Variants in GAD1 observed in about 807,000 individuals in gnomAD.
GAD1 encodes the protein 67 kDa glutamic acid decarboxylase.
In GAD1, 35 loss-of-function variants were observed where a neutral mutation model predicts 75.2. That is an observed-to-expected ratio of 0.47 (90% CI 0.36 to 0.62). The LOEUF (loss-of-function observed/expected upper bound fraction) is 0.62. Among genes scored for constraint, GAD1 ranks in the 20% least tolerant of loss-of-function variants. GAD1 has a pLI of 0.00. For synonymous variants in GAD1, 257 were observed against 271.9 expected (o/e 0.95, Z 0.54); for missense variants, 490 against 758.5 (o/e 0.65, Z 4.16).
Position 170,818,182 on chromosome 2 carries a change from A to C in GAD1, c.-63-347A>C. 1 of 226,256 alleles carries C rather than the reference A, an allele frequency of 4.4e-6. No homozygotes were observed. Among genetic ancestry groups the C allele is most frequent in the Admixed American group, 5.2e-5 (1 of 19,182 alleles). 14.0% of individuals were successfully genotyped at this position (226,256 alleles called of 1,614,324 possible). On this transcript the variant is annotated intron_variant, in intron 1 of 16. Transcript: ENST00000358196. This position sits in a 1 kb window ranked among gnomAD's most constrained non-coding sequence, Gnocchi z 5.9. ...TCACTGAGCGCTCCCCTGTGCTCCT[A>C]GCCTAGTCCCCCACACCCTTGCGTC...
Position 170,831,002 on chromosome 2 carries a change from A to C in GAD1, c.357A>C (p.Glu119Asp). The C allele has an allele frequency of 6.2e-7, 1 of 1,614,182 alleles. No homozygotes were observed. Among genetic ancestry groups the C allele is most frequent in the Non-Finnish European group, 8.5e-7 (1 of 1,180,044 alleles). The change falls in exon 5 of 17, where the codon GAA becomes GAC. Residue 119 changes from glutamate to aspartate, a missense_variant. Around this residue, in one of 3 missense-constraint regions of GAD1, gnomAD observed 165 missense variants for 216.4 expected, o/e 0.76. Transcript: ENST00000358196. ...GEEQTVQFLL[E>D]VVDILLNYVR... ...AGCAAACCGTGCAATTCCTCCTGGA[A>C]GTGGTGGACATACTCCTCAACTATG...
chr2:170,836,448 T>C (rs1314869297), intron 5 of GAD1, among the ~76,000 whole-genome samples: 1 of 152,204 alleles, frequency 6.6e-6, no homozygotes. Flanking sequence ...AGCTAAGTTA[T>C]CTCAGCCATA....
chr2:170,840,649 G>A (rs370482608), intron 6 of GAD1, among the ~76,000 whole-genome samples: 2 of 123,658 alleles, frequency 1.6e-5, no homozygotes, highest in African/African-American at 6.1e-5. Flanking sequence ...GGAAAGGAGG[G>A]AGGTAGGGAA....
At chr2:170,824,929 C>CATGTGT (rs111270317) in intron 3 of GAD1, among the ~76,000 whole-genome samples, 1 of 149,894 alleles carries the variant, frequency 6.7e-6, no homozygotes, top group African/African-American at 2.5e-5. Flanking sequence ...AGCCTACACT[C>CATGTGT]GTGTGTGTGT....
intron 15 of GAD1, among the ~76,000 whole-genome samples, chr2:170,857,780 C>A (rs557277516): frequency 6.6e-6 from 1 of 152,314 alleles, no homozygotes; most frequent in Non-Finnish European, 1.5e-5. Flanking sequence ...ATACTGCACA[C>A]AGCAAAGTAT....
At chr2:170,821,784 C>T in intron 2 of GAD1, 1 of 457,736 alleles carries the variant, frequency 2.2e-6, no homozygotes. Context: ...CACCCAACTC[C>T]GACCCCACCT....
intron 14 of GAD1, among the ~76,000 whole-genome samples, chr2:170,855,710 A>T (rs1001130994): frequency 5.3e-5 from 8 of 151,740 alleles, no homozygotes; most frequent in African/African-American, 1.9e-4. Context: ...CCCCATCTCT[A>T]CAAAAAATAC....
At chr2:170,856,914 A>G in intron 14 of GAD1, 104 bp from the exon 15 acceptor site, 1 of 911,350 alleles carries the variant, frequency 1.1e-6, no homozygotes, top group Non-Finnish European at 1.8e-6. Context: ...CAGCTCCAAA[A>G]ATACTTTTTT....
At chr2:170,823,652 C>CCCACCT (rs1701951590) in intron 3 of GAD1, among the ~76,000 whole-genome samples, 1 of 151,630 alleles carries the variant, frequency 6.6e-6, no homozygotes, top group South Asian at 2.1e-4. Flanking sequence ...CACTCCCACC[C>CCCACCT]CCACCTCCAC....
rs541945428 is a variant in GAD1, at chr2:170,853,560, C to G, written c.1264-313C>G. ...ACTGAGGAATTTTCTATCTCTAACC[C>G]TGGCCCACTGAATGCCGTAGCACTT... is the stretch of plus-strand genomic sequence containing the variant. On this transcript the variant is annotated intron_variant, in intron 13 of 16. Transcript: ENST00000358196. This position sits in a 1 kb window ranked among gnomAD's most constrained non-coding sequence, Gnocchi z 4.1. 1 of 350,280 alleles carries G rather than the reference C, an allele frequency of 2.9e-6. No individual in the cohort carries two copies. Among genetic ancestry groups the G allele is most frequent in the East Asian group, 6.4e-5 (1 of 15,540 alleles). The allele number at this position is 350,280 out of a possible 1,614,324, so 21.7% of individuals were successfully genotyped here. A position where few individuals can be genotyped will look rare whatever the true frequency, so the allele number is the denominator to read the frequency against.
chr2:170,824,416 CA>C (rs1559269608), intron 3 of GAD1, among the ~76,000 whole-genome samples: 4 of 148,454 alleles, frequency 2.7e-5, no homozygotes, highest in East Asian at 3.9e-4. Flanking sequence ...CACACACACA[CA>C]CACCCCTCCC....
At chr2:170,823,899 C>T (rs1701960101) in intron 3 of GAD1, among the ~76,000 whole-genome samples, 3 of 152,212 alleles carry the variant, frequency 2.0e-5, no homozygotes, top group African/African-American at 2.4e-5. Flanking sequence ...CATCCTGCCC[C>T]CTGCTGTCCC....
chr2:170,857,199 C>A, intron 15 of GAD1, 74 bp downstream of exon 15: 1 of 1,177,342 alleles, frequency 8.5e-7, no homozygotes, highest in Non-Finnish European at 1.3e-6. Context: ...AAGCTTCTGG[C>A]AACATGGGAA....
Position 170,839,269 on chromosome 2 carries a change from G to A in GAD1, c.638+2386G>A, listed in dbSNP as rs530407507. 6.1e-4 allele frequency among the ~76,000 whole-genome samples: 93 copies of A among 152,288 alleles called. 1 individual carries two copies. Among genetic ancestry groups the A allele is most frequent in the Admixed American group, 1.3e-3 (20 of 15,296 alleles). ...TCAGTCATAGCCTCTTAAAAAGAACGATCCAATAACCTGACACAGGTGCAA... is the reference window on the plus strand; with the variant it reads ...TCAGTCATAGCCTCTTAAAAAGAACAATCCAATAACCTGACACAGGTGCAA... On this transcript the variant is annotated intron_variant, in intron 6 of 16. Coordinates refer to ENST00000358196, the MANE Select transcript of GAD1 (RefSeq NM_000817.3).
intron 2 of GAD1, among the ~76,000 whole-genome samples, chr2:170,821,315 A>C (rs1367521112): frequency 6.6e-6 from 1 of 152,180 alleles, no homozygotes; most frequent in Non-Finnish European, 1.5e-5. Flanking sequence ...CAGCCTGGAA[A>C]AGAAGGAAAA....
In GAD1 at chr2:170,818,746, G is replaced by A; in HGVS notation, c.82+73G>A. The A allele has an allele frequency of 6.9e-7, 1 of 1,455,372 alleles. No homozygotes were observed. The highest frequency in any genetic ancestry group is 9.7e-7 in the Non-Finnish European group (1 of 1,035,360). The allele number at this position is 1,455,372 out of a possible 1,614,324, so 90.2% of individuals were successfully genotyped here. ...GGGCGCTGGGACGTCGGGAGGCTGAGCTGGCGGAAAGGGAAGGGGGAGCGC... is the reference window on the plus strand; with the variant it reads ...GGGCGCTGGGACGTCGGGAGGCTGAACTGGCGGAAAGGGAAGGGGGAGCGC... On this transcript the variant is annotated intron_variant, in intron 2 of 16. Coordinates refer to ENST00000358196, the MANE Select transcript of GAD1 (RefSeq NM_000817.3). This position sits in a 1 kb window ranked among gnomAD's most constrained non-coding sequence, Gnocchi z 5.9.
At chr2:170,844,204 A>T in intron 7 of GAD1, 47 bp downstream of exon 7, 1 of 1,074,228 alleles carries the variant, frequency 9.3e-7, no homozygotes, top group South Asian at 1.3e-5. Context: ...GATTCTTAAG[A>T]ATACAAAATA....
chr2:170,815,249 C>T (rs1161009462), upstream of GAD1, among the ~76,000 whole-genome samples: 2 of 152,196 alleles, frequency 1.3e-5, no homozygotes, highest in Admixed American at 1.3e-4. Flanking sequence ...GCCTGTCCAG[C>T]CCCAAGCCTC....
At chr2:170,848,496 CAAAAAA>C (rs368907107) in intron 11 of GAD1, among the ~76,000 whole-genome samples, 7 of 64,084 alleles carry the variant, frequency 1.1e-4, no homozygotes, top group South Asian at 5.1e-4. Context: ...AACTCTGTCT[CAAAAAA>C]AAAAAAAAAA....
Sources: allele counts gnomAD v4.1 joint callset (sites outside exome capture counted in the v4.1 genomes callset), GRCh38; gene constraint gnomAD v4.1.1; regional missense constraint gnomAD v4.1.1; non-coding constraint Gnocchi (gnomAD v3.1); transcripts MANE v1.5; gene names NCBI Gene and HGNC (gene_info 2026-07-23, HGNC 2026-07-21).